RAB3B: variants seen among roughly 807,000 people sequenced by gnomAD.
RAB3B encodes the protein ras-related protein Rab-3B.
RAB3B carries 11 observed loss-of-function variants against 20.5 expected under a neutral mutation model. The ratio of observed to expected loss-of-function variants is 0.54; its 90% CI spans 0.34 to 0.89. The LOEUF is 0.89. Among genes scored for constraint, RAB3B ranks in the 40% least tolerant of loss-of-function variants. RAB3B has a pLI of 0.02. For missense variants in RAB3B, 225 were observed against 280.9 expected (o/e 0.80, Z 1.42); for synonymous variants, 99 against 106.3 (o/e 0.93, Z 0.42).
Position 51,912,104 on chromosome 1 carries a change from T to C in RAB3B, c.*7823A>G, listed in dbSNP as rs1684006087. 2 of 150,894 alleles carry C rather than the reference T, an allele frequency of 1.3e-5. No individual in the cohort carries two copies. Among genetic ancestry groups the C allele is most frequent in the African/African-American group, 4.9e-5 (2 of 40,978 alleles). 9.3% of individuals were successfully genotyped at this position (150,894 alleles called of 1,614,324 possible). A position where few individuals can be genotyped will look rare whatever the true frequency, so the allele number is the denominator to read the frequency against. ...TTCATTTCTTTCCTTTTCTTCTTTTTTTTCTTTCTTTCTTTCTTTTTTTTT... is the reference window on the plus strand; with the variant it reads ...TTCATTTCTTTCCTTTTCTTCTTTTCTTTCTTTCTTTCTTTCTTTTTTTTT... On this transcript the variant is annotated 3_prime_UTR_variant, in exon 5 of 5. Transcript: ENST00000371655.
At chr1:51,938,589 A>G (rs1684445392) in intron 2 of RAB3B, among the ~76,000 whole-genome samples, 1 of 152,214 alleles carries the variant, frequency 6.6e-6, no homozygotes, top group East Asian at 1.9e-4. Flanking sequence ...GTGCACAGAA[A>G]AAAATAGAAG....
chr1:51,949,947 G>A (rs530185306), intron 2 of RAB3B, among the ~76,000 whole-genome samples: 1 of 152,342 alleles, frequency 6.6e-6, no homozygotes, highest in African/African-American at 2.4e-5. Flanking sequence ...GTAGGGTGAT[G>A]AGGGTGGAGA....
chr1:51,926,404 T>C (rs902660279), intron 4 of RAB3B, among the ~76,000 whole-genome samples: 3 of 152,142 alleles, frequency 2.0e-5, no homozygotes, highest in Admixed American at 6.5e-5. Flanking sequence ...CCCACTCCAT[T>C]GACATCGAGT....
intron 1 of RAB3B, among the ~76,000 whole-genome samples, chr1:51,984,600 AGC>A (rs1301761596): frequency 6.6e-6 from 1 of 151,940 alleles, no homozygotes; most frequent in Non-Finnish European, 1.5e-5. Flanking sequence ...ATGTTGGCCC[AGC>A]CAGATCAATT....
At chr1:51,937,996 CTTTTTTTTTTTT>C (rs77664152) in intron 2 of RAB3B, among the ~76,000 whole-genome samples, 1 of 88,748 alleles carries the variant, frequency 1.1e-5, no homozygotes, top group Non-Finnish European at 2.3e-5. Flanking sequence ...ATTTTTGTTT[CTTTTTTTTTTTT>C]TTTTTTTTTT....
intron 2 of RAB3B, among the ~76,000 whole-genome samples, chr1:51,965,910 T>A (rs1243484161): frequency 6.6e-6 from 1 of 152,206 alleles, no homozygotes; most frequent in African/African-American, 2.4e-5. Context: ...AACTCTACAC[T>A]ATCACTGCAA....
At chr1:51,980,853 A>G in intron 1 of RAB3B, 1 of 683,044 alleles carries the variant, frequency 1.5e-6, no homozygotes, top group South Asian at 1.6e-5. Flanking sequence ...AAGATGGACT[A>G]TTTCCTGGAG....
At chr1:51,942,521 G>T (rs535941500) in intron 2 of RAB3B, among the ~76,000 whole-genome samples, 1 of 152,058 alleles carries the variant, frequency 6.6e-6, no homozygotes, top group African/African-American at 2.4e-5. Flanking sequence ...TAGGCTTCTG[G>T]GTGTGAATCC....
Position 51,914,720 on chromosome 1 carries a change from T to C in RAB3B, c.*5207A>G, listed in dbSNP as rs1571952470. The C allele has an allele frequency of 6.6e-6, 1 of 152,150 alleles. No individual in the cohort carries two copies. Among genetic ancestry groups the C allele is most frequent in the African/African-American group, 2.4e-5 (1 of 41,438 alleles). 9.4% of individuals were successfully genotyped at this position (152,150 alleles called of 1,614,324 possible). ...TACTTGATTCCCCAACTATGGCAGG[T>C]AATTGGGTGTAGGCTTGGGGCAGGG... On this transcript the variant is annotated 3_prime_UTR_variant, in exon 5 of 5. Coordinates refer to ENST00000371655, the MANE Select transcript of RAB3B (RefSeq NM_002867.4).
intron 1 of RAB3B, 68 bp downstream of exon 1, chr1:51,990,484 C>T (rs1210931660): frequency 2.0e-5 from 3 of 151,408 alleles, no homozygotes; most frequent in African/African-American, 4.9e-5. Flanking sequence ...CTCTCGGTGC[C>T]CAGCGCCCCG....
chr1:51,919,983 T>C lies in RAB3B; in HGVS notation c.604A>G (p.Lys202Glu). 6.2e-7 allele frequency: 1 copy of C among 1,614,040 alleles called. No individual in the cohort carries two copies. Among genetic ancestry groups the C allele is most frequent in the Non-Finnish European group, 8.5e-7 (1 of 1,179,994 alleles). Residue 202 changes from lysine (K) to glutamate (E), a missense_variant, in exon 5 of 5, where the codon AAG becomes GAG. Lys to Glu is a moderately conservative substitution (Grantham distance 56). Coordinates refer to ENST00000371655, the MANE Select transcript of RAB3B (RefSeq NM_002867.4). ...DTDPSMLGSS[K>E]NTRLSDTPPL... Reference sequence around the variant, plus strand: ...GGGGTGTCCGAGAGACGCGTGTTCTTGGAGGAGCCCAGCATCGACGGGTCT... The same window carrying C: ...GGGGTGTCCGAGAGACGCGTGTTCTCGGAGGAGCCCAGCATCGACGGGTCT...
At chr1:51,920,890 T>C (rs1571955396) in intron 4 of RAB3B, among the ~76,000 whole-genome samples, 1 of 151,982 alleles carries the variant, frequency 6.6e-6, no homozygotes, top group Non-Finnish European at 1.5e-5. Context: ...GGGTTCCTCC[T>C]CCCTGAATTC....
At chr1:51,974,225 C>A (rs1684978120) in intron 2 of RAB3B, among the ~76,000 whole-genome samples, 1 of 152,184 alleles carries the variant, frequency 6.6e-6, no homozygotes, top group African/African-American at 2.4e-5. Context: ...AGGATGATAT[C>A]AAATAACACA....
At chr1:51,952,170 C>T (rs1312839423) in intron 2 of RAB3B, among the ~76,000 whole-genome samples, 1 of 152,160 alleles carries the variant, frequency 6.6e-6, no homozygotes, top group African/African-American at 2.4e-5. Flanking sequence ...TGTGTGATCC[C>T]TATCCTCAGA....
At chr1:51,931,335 A>T (rs769859545) in intron 4 of RAB3B, among the ~76,000 whole-genome samples, 1 of 152,108 alleles carries the variant, frequency 6.6e-6, no homozygotes, top group Non-Finnish European at 1.5e-5. Flanking sequence ...CAGGAGAATG[A>T]CGTTCCTCCT....
At chr1:51,986,126 G>GT (rs1275821478) in intron 1 of RAB3B, among the ~76,000 whole-genome samples, 5 of 149,832 alleles carry the variant, frequency 3.3e-5, no homozygotes, top group Non-Finnish European at 7.4e-5. Context: ...GGGAAACATA[G>GT]TGAGATTCCA....
intron 4 of RAB3B, among the ~76,000 whole-genome samples, chr1:51,920,682 G>A (rs1017763638): frequency 2.8e-4 from 42 of 152,304 alleles, no homozygotes; most frequent in African/African-American, 1.0e-3. Flanking sequence ...GCTTGCCCAA[G>A]ATAAGGAAAA....
chr1:51,958,462 G>A (rs917464748), intron 2 of RAB3B, among the ~76,000 whole-genome samples: 15 of 152,194 alleles, frequency 9.9e-5, no homozygotes, highest in Non-Finnish European at 1.5e-4. Context: ...GGTGGCTCAT[G>A]CCTGTAATCC....
intron 1 of RAB3B, among the ~76,000 whole-genome samples, chr1:51,979,006 G>A (rs985138729): frequency 1.3e-5 from 2 of 152,130 alleles, no homozygotes; most frequent in African/African-American, 4.8e-5. Context: ...CCTTCCCTTT[G>A]TTCCCAGCTC....
Sources: allele counts gnomAD v4.1 joint callset (sites outside exome capture counted in the v4.1 genomes callset), GRCh38; gene constraint gnomAD v4.1.1; transcripts MANE v1.5; gene names NCBI Gene and HGNC (gene_info 2026-07-23, HGNC 2026-07-21).